CDH11: variants seen among roughly 807,000 people sequenced by gnomAD.
CDH11 encodes the protein cadherin-11.
Under a neutral mutation model 67.8 loss-of-function variants are expected in CDH11, and 11 were observed. That is an observed-to-expected ratio of 0.16 (90% confidence interval 0.10 to 0.27). CDH11 has a LOEUF of 0.27. CDH11 is among the 10% of genes least tolerant of loss of function. The pLI, the probability that CDH11 is intolerant of heterozygous loss-of-function variation, is 1.00. For missense variants in CDH11, 847 were observed against 1,031.2 expected (o/e 0.82, Z 2.45); for synonymous variants, 419 against 400.0 (o/e 1.05, Z -0.57).
At chr16:64,967,412 G>A (rs567835498) in intron 11 of CDH11, among the ~76,000 whole-genome samples, 2 of 152,182 alleles carry the variant, frequency 1.3e-5, no homozygotes, top group African/African-American at 4.8e-5. Flanking sequence ...TAGAGAAGGG[G>A]TTTCACCGTA....
At chr16:64,948,739 A>C (rs763591194) in intron 12 of CDH11, 1 of 1,603,688 alleles carries the variant, frequency 6.2e-7, no homozygotes, top group Non-Finnish European at 8.5e-7. Flanking sequence ...CAGATAAAGC[A>C]ATCTCATGTC....
chr16:64,962,517 G>A (rs908569532), intron 11 of CDH11, among the ~76,000 whole-genome samples: 6 of 152,116 alleles, frequency 3.9e-5, no homozygotes, highest in African/African-American at 1.4e-4. Context: ...TGGAGGCCCA[G>A]TGTGGAGAAG....
At chr16:65,096,698 A>G (rs1321719853) in intron 1 of CDH11, among the ~76,000 whole-genome samples, 1 of 147,428 alleles carries the variant, frequency 6.8e-6, no homozygotes, top group Non-Finnish European at 1.5e-5. Flanking sequence ...ATATATATGT[A>G]TATATTTGGG....
At chr16:65,021,320 A>C (rs906101437) in intron 2 of CDH11, among the ~76,000 whole-genome samples, 87 of 152,208 alleles carry the variant, frequency 5.7e-4, no homozygotes, top group Admixed American at 2.0e-4. Flanking sequence ...AATTCCTGGG[A>C]TTCCATAAGG....
intron 1 of CDH11, among the ~76,000 whole-genome samples, chr16:65,110,074 T>C (rs1051927634): frequency 5.9e-5 from 9 of 152,126 alleles, no homozygotes; most frequent in African/African-American, 2.2e-4. Context: ...TTTCATCGTA[T>C]TGCCCAAGCT....
At chr16:65,012,814 T>A (rs2073209931) in intron 2 of CDH11, among the ~76,000 whole-genome samples, 1 of 152,198 alleles carries the variant, frequency 6.6e-6, no homozygotes, top group African/African-American at 2.4e-5. Context: ...GTGATTCTTC[T>A]AGTCAAAGCT....
chr16:65,110,624 ATGTGTGTGTGTG>A (rs57316241), intron 1 of CDH11, among the ~76,000 whole-genome samples: 17,280 of 135,806 alleles, frequency 0.13, 1,064 homozygotes, highest in South Asian at 0.15. Context: ...ATGGCCAATG[ATGTGTGTGTGTG>A]TGTGTGTGTG....
intron 2 of CDH11, among the ~76,000 whole-genome samples, chr16:65,008,540 A>G (rs546589373): frequency 1.4e-3 from 216 of 152,324 alleles, no homozygotes; most frequent in African/African-American, 5.0e-3. Flanking sequence ...TCATCTATTA[A>G]TTTCTATAAC....
At chr16:65,105,461 T>C (rs897619048) in intron 1 of CDH11, among the ~76,000 whole-genome samples, 2 of 152,222 alleles carry the variant, frequency 1.3e-5, no homozygotes, top group Non-Finnish European at 2.9e-5. Flanking sequence ...CACATCCCTC[T>C]GACTATCCAA....
At chr16:65,087,656 C>T (rs1216620780) in intron 1 of CDH11, among the ~76,000 whole-genome samples, 1 of 152,134 alleles carries the variant, frequency 6.6e-6, no homozygotes, top group African/African-American at 2.4e-5. Context: ...ATTCTCGGGG[C>T]TGATCGAGAA....
In CDH11 at chr16:64,971,633, T is replaced by C; in HGVS notation, c.1588A>G (p.Ser530Gly). 1.2e-6 allele frequency: 2 copies of C among 1,613,864 alleles called. No individual in the cohort carries two copies. The highest frequency in any genetic ancestry group is 2.7e-5 in the African/African-American group (2 of 75,042). ...DTANGPRFIF[S>G]LPPEIIHNPN... The stretch of plus-strand genomic sequence containing the variant: ...TTGTGAATGATTTCAGGGGGTAGGC[T>C]GAAGATAAATCTTGGTCCATTGGCC... The change falls in exon 11 of 13, where the codon AGC (serine) becomes GGC (glycine). Residue 530 changes from serine (S) to glycine (G), a missense_variant. By Grantham distance (56) the Ser-to-Gly change is moderately conservative. Transcript: ENST00000268603.
In CDH11 at chr16:65,053,662, T is replaced by G. The variant is rs1477375538; in HGVS notation, c.-173+142A>C. ...TCCTCACTACCGAAAAACGTAGGCC[T>G]TTCTCTCCCTCTCAGATTCTACTTT... On this transcript the variant is annotated intron_variant, in intron 2 of 12. Transcript: ENST00000268603. 5 of 381,398 alleles carry G rather than the reference T, an allele frequency of 1.3e-5. No individual in the cohort carries two copies. In the East Asian group the frequency reaches 3.6e-4, roughly 28 times the overall value. The allele number at this position is 381,398 out of a possible 1,614,324, so 23.6% of individuals were successfully genotyped here.
At chr16:65,051,919 G>A (rs2074063136) in intron 2 of CDH11, among the ~76,000 whole-genome samples, 1 of 152,100 alleles carries the variant, frequency 6.6e-6, no homozygotes. Context: ...GTTCTTTATG[G>A]CAGTGTGAAA....
chr16:65,113,247 T>C (rs911443592), intron 1 of CDH11, among the ~76,000 whole-genome samples: 1 of 150,728 alleles, frequency 6.6e-6, no homozygotes, highest in Non-Finnish European at 1.5e-5. Flanking sequence ...GACCTTACCA[T>C]TGCACTCCAG....
intron 8 of CDH11, among the ~76,000 whole-genome samples, chr16:64,977,628 T>C (rs949263032): frequency 6.6e-6 from 1 of 152,218 alleles, no homozygotes; most frequent in African/African-American, 2.4e-5. Flanking sequence ...CAAACCTTCT[T>C]GGGAAATCTT....
In CDH11 at chr16:65,004,977, T is replaced by A; in HGVS notation, c.-108A>T. 1.4e-6 allele frequency: 2 copies of A among 1,427,006 alleles called. No individual in the cohort carries two copies. The highest frequency in any genetic ancestry group is 3.1e-5 in the South Asian group (2 of 65,524). The allele number at this position is 1,427,006 out of a possible 1,614,324, so 88.4% of individuals were successfully genotyped here. On this transcript the variant is annotated 5_prime_UTR_variant, in exon 3 of 13. Coordinates refer to ENST00000268603, the MANE Select transcript of CDH11 (RefSeq NM_001797.4). ...CCGGACGCGTCACGCAGACCTCTCTTGGGATGGAATGTCTCTGCTGGTTGA... is the reference window on the plus strand; with the variant it reads ...CCGGACGCGTCACGCAGACCTCTCTAGGGATGGAATGTCTCTGCTGGTTGA...
intron 2 of CDH11, among the ~76,000 whole-genome samples, chr16:65,011,704 T>C (rs1162125414): frequency 2.6e-5 from 4 of 152,198 alleles, no homozygotes; most frequent in Admixed American, 6.5e-5. Flanking sequence ...TATCAACACA[T>C]AAAGGAAATA....
At chr16:65,099,504 A>T (rs759576758) in intron 1 of CDH11, among the ~76,000 whole-genome samples, 15 of 152,194 alleles carry the variant, frequency 9.9e-5, no homozygotes, top group Non-Finnish European at 2.1e-4. Context: ...GTTTCCTGAT[A>T]GAGTGGCAGA....
chr16:65,071,392 G>A (rs1335981707), intron 1 of CDH11, among the ~76,000 whole-genome samples: 1 of 150,100 alleles, frequency 6.7e-6, no homozygotes, highest in African/African-American at 2.4e-5. Flanking sequence ...ACCCCCATGC[G>A]CAAACTCCAA....
Sources: gnomAD v4.1 joint callset for allele counts (sites outside exome capture counted in the v4.1 genomes callset) on GRCh38, gnomAD v4.1.1 for gene constraint, MANE v1.5 for transcripts, NCBI Gene and HGNC (gene_info 2026-07-23, HGNC 2026-07-21) for gene names.